Variants in FRYL observed in about 807,000 individuals in gnomAD.
FRYL encodes protein furry homolog-like.
A neutral mutation model predicts 351.2 loss-of-function variants in FRYL; 150 were observed. The ratio of observed to expected loss-of-function variants is 0.43; its 90% CI spans 0.37 to 0.49. The LOEUF (loss-of-function observed/expected upper bound fraction) is 0.49. Ranked by LOEUF, FRYL falls within the 20% of genes least tolerant of loss-of-function variation. The probability of loss-of-function intolerance (pLI) is 0.00; values close to 1 mark genes in which losing one functional copy is unlikely to be tolerated. For missense variants in FRYL, 3,036 were observed against 3,619.3 expected, an observed-to-expected ratio of 0.84 and a Z score of 4.13; for synonymous variants, 1,153 against 1,257.1, an observed-to-expected ratio of 0.92 and a Z score of 1.75.
At chr4:48,698,549 T>A (rs1441747005) in intron 2 of FRYL, among the ~76,000 whole-genome samples, 6 of 152,186 alleles carry the variant, frequency 3.9e-5, no homozygotes, top group African/African-American at 1.2e-4. Flanking sequence ...CTGTGCTGGG[T>A]GAGATTTACA....
rs181723454 is a variant in FRYL, at chr4:48,529,725, C to G, written c.6904-1389G>C. On this transcript the variant is annotated intron_variant, in intron 50 of 63. Transcript: ENST00000358350. Reference sequence around the variant, plus strand: ...CAACCTTACAATACTTGATCAATAACTTCCTTCTTGAAAAGTTCCTCCCTT... The same window carrying G: ...CAACCTTACAATACTTGATCAATAAGTTCCTTCTTGAAAAGTTCCTCCCTT... 1.5e-3 allele frequency among the ~76,000 whole-genome samples: 230 copies of G among 152,286 alleles called. 1 individual carries two copies. Among genetic ancestry groups the G allele is most frequent in the Non-Finnish European group, 2.7e-3 (186 of 68,018 alleles).
chr4:48,777,926 C>T (rs952419218), intron 1 of FRYL, among the ~76,000 whole-genome samples: 3 of 152,170 alleles, frequency 2.0e-5, no homozygotes, highest in African/African-American at 7.2e-5. Context: ...GTGGCTCAGT[C>T]TGTAATCCCA....
chr4:48,603,099 T>G (rs1334087029), intron 12 of FRYL, among the ~76,000 whole-genome samples, 191 bp downstream of exon 12: 1 of 152,196 alleles, frequency 6.6e-6, no homozygotes, highest in African/African-American at 2.4e-5. Flanking sequence ...AATGCAGAGC[T>G]AGTAAAATTA....
intron 1 of FRYL, among the ~76,000 whole-genome samples, chr4:48,753,001 C>CG (rs972099348): frequency 5.9e-5 from 9 of 151,262 alleles, no homozygotes; most frequent in Non-Finnish European, 8.8e-5. Context: ...GTTGAGGGGT[C>CG]GGGGGGAGTG....
intron 1 of FRYL, among the ~76,000 whole-genome samples, chr4:48,746,959 T>C (rs750180296): frequency 6.6e-6 from 1 of 152,164 alleles, no homozygotes; most frequent in Non-Finnish European, 1.5e-5. Flanking sequence ...ACTCTCACAT[T>C]TGTGAGCAAA....
chr4:48,762,344 T>C (rs1291806706), intron 1 of FRYL, among the ~76,000 whole-genome samples: 1 of 152,232 alleles, frequency 6.6e-6, no homozygotes, highest in Non-Finnish European at 1.5e-5. Context: ...TGTGAATGTA[T>C]GAACATCCTT....
At chr4:48,536,381 G>A (rs4695386) in intron 47 of FRYL, among the ~76,000 whole-genome samples, 150,507 of 152,290 alleles carry the variant, frequency 0.99, 74,394 homozygotes, top group East Asian at 1. Context: ...ATGGATGACA[G>A]TCTGCATGGT....
chr4:48,706,495 C>T (rs4695396), intron 2 of FRYL, among the ~76,000 whole-genome samples: 19,982 of 151,930 alleles, frequency 0.13, 1,750 homozygotes, highest in Admixed American at 0.28. Flanking sequence ...GCAAAGAAGA[C>T]GATGGGGAGT....
chr4:48,657,053 C>T lies in FRYL; in HGVS notation c.-80-22563G>A, dbSNP rs533710696. ...CTAATCCTTCCTGAACTTTTATCATCCAGTTTAGCAAAGTATTAACTAGGA... is the reference window on the plus strand; with the variant it reads ...CTAATCCTTCCTGAACTTTTATCATTCAGTTTAGCAAAGTATTAACTAGGA... On this transcript the variant is annotated intron_variant, in intron 3 of 63. Coordinates refer to ENST00000358350, the MANE Select transcript of FRYL (RefSeq NM_015030.2). Among the ~76,000 whole-genome samples, 44 of 152,256 alleles carry T rather than the reference C, an allele frequency of 2.9e-4. No homozygotes were observed. The South Asian group carries it at 8.3e-3, about 29-fold the overall frequency.
chr4:48,642,232 T>C (rs576150051), intron 3 of FRYL, among the ~76,000 whole-genome samples: 1 of 152,314 alleles, frequency 6.6e-6, no homozygotes, highest in South Asian at 2.1e-4. Flanking sequence ...TCTTCAGCTA[T>C]TGTCACTCAT....
rs992453264 is a variant in FRYL, at chr4:48,549,206, G to C, written c.4784+267C>G. ...TACCATAGGAAAGTCATATTTTTCAGATGTAGTAACTGGGTCCCAGAAAGG... is the reference window on the plus strand; with the variant it reads ...TACCATAGGAAAGTCATATTTTTCACATGTAGTAACTGGGTCCCAGAAAGG... On this transcript the variant is annotated intron_variant, in intron 39 of 63. Transcript: ENST00000358350. This position sits in a 1 kb window ranked among gnomAD's most constrained non-coding sequence, Gnocchi z 4.2. Among the ~76,000 whole-genome samples the C allele has an allele frequency of 2.0e-5, 3 of 152,294 alleles. No homozygotes were observed. Among genetic ancestry groups the C allele is most frequent in the African/African-American group, 4.8e-5 (2 of 41,566 alleles).
At chr4:48,776,794 C>T (rs1776070958) in intron 1 of FRYL, among the ~76,000 whole-genome samples, 6 of 152,242 alleles carry the variant, frequency 3.9e-5, no homozygotes, top group Middle Eastern at 3.4e-3. Context: ...CTCGAGTAGA[C>T]AACATATACC....
intron 9 of FRYL, among the ~76,000 whole-genome samples, chr4:48,608,605 T>A (rs1396769260): frequency 2.0e-5 from 3 of 152,134 alleles, no homozygotes; most frequent in Admixed American, 6.5e-5. Context: ...ACAAATATGA[T>A]TAGAAAACAC....
chr4:48,737,469 A>G (rs1331029616), intron 1 of FRYL, among the ~76,000 whole-genome samples: 1 of 152,214 alleles, frequency 6.6e-6, no homozygotes, highest in African/African-American at 2.4e-5. Context: ...ATATTATTAA[A>G]GAAATTGAAT....
At chr4:48,668,659 G>C (rs1269278814) in intron 3 of FRYL, among the ~76,000 whole-genome samples, 2 of 152,224 alleles carry the variant, frequency 1.3e-5, no homozygotes, top group Non-Finnish European at 2.9e-5. Flanking sequence ...GACCAACTCA[G>C]TCCTCAACCC....
At chr4:48,767,520 G>A (rs1021133930) in intron 1 of FRYL, among the ~76,000 whole-genome samples, 1 of 152,192 alleles carries the variant, frequency 6.6e-6, no homozygotes, top group African/African-American at 2.4e-5. Flanking sequence ...CCACGTGGAT[G>A]AACCTGGAGG....
At chr4:48,556,111 C>T (rs550679890) in intron 35 of FRYL, among the ~76,000 whole-genome samples, 2 of 152,174 alleles carry the variant, frequency 1.3e-5, no homozygotes, top group East Asian at 3.9e-4. Flanking sequence ...GCCAGGCTGG[C>T]CTCGGACTCC....
intron 3 of FRYL, among the ~76,000 whole-genome samples, chr4:48,639,916 C>T (rs1755001808): frequency 6.6e-6 from 1 of 152,024 alleles, no homozygotes; most frequent in Non-Finnish European, 1.5e-5. Flanking sequence ...AGATGTGCAA[C>T]CTCATATGTC....
At chr4:48,676,291 C>G (rs1269408701) in intron 3 of FRYL, among the ~76,000 whole-genome samples, 1 of 152,172 alleles carries the variant, frequency 6.6e-6, no homozygotes, top group Admixed American at 6.5e-5. Flanking sequence ...CTGTAACACT[C>G]ACCGCGAAGG....
Sources: gnomAD v4.1 joint callset for allele counts (sites outside exome capture counted in the v4.1 genomes callset) on GRCh38, gnomAD v4.1.1 for gene constraint, Gnocchi (gnomAD v3.1) non-coding constraint, MANE v1.5 for transcripts, NCBI Gene and HGNC (gene_info 2026-07-23, HGNC 2026-07-21) for gene names.